The following THBS4 variants were observed in gnomAD, a reference collection of about 807,000 sequenced individuals.
THBS4 encodes thrombospondin 4, also known as thrombospondin-4.
THBS4 carries 90 observed loss-of-function variants against 115.7 expected under a neutral mutation model. The ratio of observed to expected loss-of-function variants is 0.78; its 90% CI spans 0.66 to 0.93. THBS4 has a LOEUF of 0.93. Ranked by LOEUF, THBS4 falls within the 40% of genes least tolerant of loss-of-function variation. The pLI, the probability that THBS4 is intolerant of heterozygous loss-of-function variation, is 0.00. For synonymous variants in THBS4, 460 were observed against 479.3 expected (o/e 0.96, Z 0.53); for missense variants, 1,087 against 1,232.7 (o/e 0.88, Z 1.77).
chr5:80,059,391 A>T (rs746045535), intron 5 of THBS4, 49 bp from the exon 6 acceptor site: 1 of 1,525,420 alleles, frequency 6.6e-7, no homozygotes, highest in Non-Finnish European at 9.1e-7. Context: ...TTCCTGGATG[A>T]TATCAGGCAT....
At chr5:80,023,843 A>G (rs969090066) in intron 2 of THBS4, among the ~76,000 whole-genome samples, 1 of 152,090 alleles carries the variant, frequency 6.6e-6, no homozygotes, top group African/African-American at 2.4e-5. Flanking sequence ...AGAGAAACCA[A>G]GGAGCCAGGC....
intron 19 of THBS4, 103 bp downstream of exon 19, chr5:80,079,361 T>A: frequency 7.9e-7 from 1 of 1,264,054 alleles, no homozygotes; most frequent in Non-Finnish European, 1.1e-6. Context: ...CTAAAAAAAA[T>A]TGATGCATTT....
intron 2 of THBS4, among the ~76,000 whole-genome samples, chr5:80,010,950 C>G (rs1447475255): frequency 6.6e-6 from 1 of 152,216 alleles, no homozygotes; most frequent in African/African-American, 2.4e-5. Flanking sequence ...GCATCTGGGA[C>G]AGGATGTGAC....
At chr5:80,061,644 T>C (rs1393724662) in intron 7 of THBS4, 51 bp from the exon 8 acceptor site, 1 of 1,530,100 alleles carries the variant, frequency 6.5e-7, no homozygotes, top group Admixed American at 2.0e-5. Flanking sequence ...AAGAAAAGTT[T>C]GAGAGTGTTT....
chr5:80,058,168 G>T, intron 3 of THBS4, 38 bp from the exon 4 acceptor site: 1 of 1,504,830 alleles, frequency 6.6e-7, no homozygotes. Flanking sequence ...CTTTTGAACA[G>T]TGTCAGCAAT....
chr5:80,038,514 T>G (rs1317582594), intron 1 of THBS4, among the ~76,000 whole-genome samples: 1 of 152,146 alleles, frequency 6.6e-6, no homozygotes, highest in African/African-American at 2.4e-5. Flanking sequence ...AGTGCAGGTG[T>G]CACAGGATGG....
At chr5:80,029,469 T>C (rs562537377) in intron 2 of THBS4, among the ~76,000 whole-genome samples, 1 of 152,224 alleles carries the variant, frequency 6.6e-6, no homozygotes, top group Non-Finnish European at 1.5e-5. Context: ...TTGTAACATG[T>C]CCTCACAATT....
At chr5:80,032,139 A>G (rs932553056), upstream of THBS4, among the ~76,000 whole-genome samples, 4 of 152,230 alleles carry the variant, frequency 2.6e-5, no homozygotes, top group Non-Finnish European at 4.4e-5. Flanking sequence ...CATGGAAATG[A>G]AAATAAACTC....
At chr5:80,034,535 G>A (rs1455918688), upstream of THBS4, among the ~76,000 whole-genome samples, 2 of 152,164 alleles carry the variant, frequency 1.3e-5, no homozygotes, top group African/African-American at 2.4e-5. Flanking sequence ...GGAAAAGGAC[G>A]AATTACTTGC....
At chr5:80,030,362 A>G (rs929213474), upstream of THBS4, among the ~76,000 whole-genome samples, 1 of 152,042 alleles carries the variant, frequency 6.6e-6, no homozygotes, top group African/African-American at 2.4e-5. Context: ...ACCATGGCTA[A>G]CTAATTTTTT....
chr5:80,076,714 GGGAATGACC>G, intron 15 of THBS4, 132 bp from the exon 16 acceptor site: 2 of 778,328 alleles, frequency 2.6e-6, no homozygotes, highest in African/African-American at 3.6e-5. Context: ...CCTTATCTAA[GGGAATGACC>G]CCAGTGGGTT....
chr5:80,010,051 T>G (rs1189378109), intron 2 of THBS4, among the ~76,000 whole-genome samples: 1 of 152,190 alleles, frequency 6.6e-6, no homozygotes, highest in Non-Finnish European at 1.5e-5. Context: ...GAGGATTGCT[T>G]GAGCCCAGAA....
intron 2 of THBS4, among the ~76,000 whole-genome samples, chr5:80,004,414 TG>T (rs1452055614): frequency 6.6e-6 from 1 of 152,222 alleles, no homozygotes; most frequent in African/African-American, 2.4e-5. Flanking sequence ...GTGTTCATTC[TG>T]GAGATGCAGA....
Position 80,071,903 on chromosome 5 carries a change from G to A in THBS4, c.1721-375G>A, listed in dbSNP as rs116584208. On this transcript the variant is annotated intron_variant, in intron 13 of 21. Coordinates refer to ENST00000350881, the MANE Select transcript of THBS4 (RefSeq NM_003248.6). ...CATCAAACACAAAACTGAAAAGAGAGGGACACAATGGACCCAGCTCCAGCA... is the reference window on the plus strand; with the variant it reads ...CATCAAACACAAAACTGAAAAGAGAAGGACACAATGGACCCAGCTCCAGCA... 1.9e-3 allele frequency: 378 copies of A among 195,776 alleles called. 2 individuals carry two copies. Among genetic ancestry groups the A allele is most frequent in the African/African-American group, 6.0e-3 (263 of 44,162 alleles). 12.1% of individuals were successfully genotyped at this position (195,776 alleles called of 1,614,324 possible). A position where few individuals can be genotyped will look rare whatever the true frequency, so the allele number is the denominator to read the frequency against.
chr5:80,053,813 C>T (rs1231710318), intron 2 of THBS4, among the ~76,000 whole-genome samples: 1 of 152,116 alleles, frequency 6.6e-6, no homozygotes, highest in African/African-American at 2.4e-5. Context: ...ATCTGCCCAC[C>T]TCGGCCTCCC....
At chr5:80,042,869 G>A (rs398774) in intron 2 of THBS4, among the ~76,000 whole-genome samples, 35,920 of 151,942 alleles carry the variant, frequency 0.24, 4,691 homozygotes, top group African/African-American at 0.34. Flanking sequence ...GGGAGGCTGA[G>A]GCAGGAGAAT....
chr5:79,992,002 A>T (rs1831685182), intron 1 of THBS4, among the ~76,000 whole-genome samples: 1 of 152,202 alleles, frequency 6.6e-6, no homozygotes, highest in African/African-American at 2.4e-5. Flanking sequence ...CTCTGTGCTT[A>T]AAAAGGCTCC....
chr5:80,072,422 A>C, intron 14 of THBS4, 26 bp downstream of exon 14: 1 of 1,585,042 alleles, frequency 6.3e-7, no homozygotes, highest in Non-Finnish European at 8.7e-7. Context: ...GGGAATTCAA[A>C]CTCCAGGCTG....
intron 8 of THBS4, among the ~76,000 whole-genome samples, chr5:80,063,909 A>G (rs1214623039): frequency 1.3e-5 from 2 of 152,260 alleles, no homozygotes; most frequent in African/African-American, 4.8e-5. Context: ...CAAAGCCAGA[A>G]CTGTGACTAG....
Sources: allele counts gnomAD v4.1 joint callset (sites outside exome capture counted in the v4.1 genomes callset), GRCh38; gene constraint gnomAD v4.1.1; transcripts MANE v1.5; gene names NCBI Gene and HGNC (gene_info 2026-07-23, HGNC 2026-07-21).